The following RPS6KA3 variants were observed in gnomAD, a reference collection of about 807,000 sequenced individuals.
The protein encoded by RPS6KA3 is ribosomal protein S6 kinase A3.
In RPS6KA3, 4 loss-of-function variants were observed where a neutral mutation model predicts 67.2. The ratio of observed to expected loss-of-function variants is 0.06; its 90% confidence interval spans 0.03 to 0.14. The LOEUF (loss-of-function observed/expected upper bound fraction) is 0.14, where lower values mean the gene tolerates loss of function less well. Among genes scored for constraint, RPS6KA3 ranks in the 10% least tolerant of loss-of-function variants. RPS6KA3 has a pLI of 1.00. For synonymous variants in RPS6KA3, 182 were observed against 183.7 expected (o/e 0.99, Z 0.07); for missense variants, 204 against 559.0 (o/e 0.36, Z 6.40).
At chrX:20,188,600 T>C (rs2068045509) in intron 7 of RPS6KA3, 66 bp from the exon 8 acceptor site, 1 of 574,465 alleles carries the variant, frequency 1.7e-6, no homozygotes, top group Admixed American at 2.7e-5. Flanking sequence ...AAGACTGAAA[T>C]TACATCCTTA....
intron 10 of RPS6KA3, among the ~76,000 whole-genome samples, chrX:20,179,183 AG>A (rs1377657203): frequency 8.9e-6 from 1 of 112,154 alleles, no homozygotes; most frequent in Non-Finnish European, 1.9e-5. Context: ...GGCTTGGAAG[AG>A]GGTGCATGAA....
chrX:20,234,879 AGGC>A, intron 1 of RPS6KA3, 65 bp from the exon 2 acceptor site: 2 of 880,000 alleles, frequency 2.3e-6, no homozygotes, highest in Admixed American at 2.3e-5. Flanking sequence ...AGTTAAATGA[AGGC>A]AGACAAAAAA....
At chrX:20,261,680 C>T (rs1335179388) in intron 1 of RPS6KA3, among the ~76,000 whole-genome samples, 1 of 112,437 alleles carries the variant, frequency 8.9e-6, no homozygotes, top group Non-Finnish European at 1.9e-5. Flanking sequence ...GACACACACA[C>T]ATTTGCGTTT....
At chrX:20,243,137 G>C (rs1237303389) in intron 1 of RPS6KA3, among the ~76,000 whole-genome samples, 1 of 111,214 alleles carries the variant, frequency 9.0e-6, no homozygotes, top group Non-Finnish European at 1.9e-5. Flanking sequence ...AGTTAAAAAA[G>C]TCATTTTATT....
At chrX:20,178,180 G>A (rs761294471) in intron 10 of RPS6KA3, among the ~76,000 whole-genome samples, 1 of 111,896 alleles carries the variant, frequency 8.9e-6, no homozygotes, top group African/African-American at 3.2e-5. Context: ...AGTACATTAA[G>A]AGACAAATGC....
At chrX:20,221,769 G>T (rs185471110) in intron 2 of RPS6KA3, among the ~76,000 whole-genome samples, 199 of 112,594 alleles carry the variant, frequency 1.8e-3, no homozygotes, top group South Asian at 8.3e-3. Context: ...TTGGGTCTTT[G>T]CTCTACACGA....
intron 3 of RPS6KA3, among the ~76,000 whole-genome samples, chrX:20,205,345 T>A (rs1046024095): frequency 8.9e-6 from 1 of 112,566 alleles, no homozygotes; most frequent in Non-Finnish European, 1.9e-5. Context: ...GCAACCACAA[T>A]CAAGAATTAA....
At position 20,228,212 on chromosome X, in the gene RPS6KA3, T is replaced by C. The variant is rs181805339; in HGVS notation, c.126+6546A>G. On this transcript the variant is annotated intron_variant, in intron 2 of 21. Transcript: ENST00000379565. ...ATCTCATTCTTTTATACTGGAAGAC[T>C]TCCTCAAATAACTGGTGATATTTGG... 1.2e-4 allele frequency among the ~76,000 whole-genome samples: 13 copies of C among 112,248 alleles called. 1 individual carries two copies. The East Asian group carries it at 3.6e-3, about 31-fold the overall frequency.
chrX:20,165,923 T>C (rs935820740), intron 17 of RPS6KA3, among the ~76,000 whole-genome samples: 2 of 111,523 alleles, frequency 1.8e-5, no homozygotes, highest in Admixed American at 9.6e-5. Context: ...AATACCGAAG[T>C]CTCTCTATAT....
intron 5 of RPS6KA3, 34 bp from the exon 6 acceptor site, chrX:20,194,302 AC>A: frequency 1.1e-6 from 1 of 951,374 alleles, no homozygotes; most frequent in Non-Finnish European, 1.5e-6. Context: ...CATTTAGTCC[AC>A]CATAATTTTT....
chrX:20,205,419 T>C (rs2068550513), intron 3 of RPS6KA3, among the ~76,000 whole-genome samples: 1 of 112,674 alleles, frequency 8.9e-6, no homozygotes, highest in Non-Finnish European at 1.9e-5. Flanking sequence ...AATTAAAAAA[T>C]GATTCATTCA....
At chrX:20,176,200 A>G in intron 13 of RPS6KA3, 50 bp downstream of exon 13, 2 of 854,162 alleles carry the variant, frequency 2.3e-6, no homozygotes, top group Non-Finnish European at 3.5e-6. Flanking sequence ...TGAAACAAGA[A>G]AAAAACATAT....
intron 4 of RPS6KA3, among the ~76,000 whole-genome samples, chrX:20,199,438 C>T (rs778405649): frequency 1.1e-4 from 12 of 110,506 alleles, no homozygotes; most frequent in East Asian, 2.8e-4. Flanking sequence ...AAATGAAAAG[C>T]GATGGCAGAA....
chrX:20,150,040 C>T lies in RPS6KA3; in HGVS notation c.*5358G>A, dbSNP rs1164287804. ...GGATACATCTGAAGAGCTTAGATTA[C>T]ACATTAATAGTATGATTTGAAAACT... On this transcript the variant is annotated 3_prime_UTR_variant, in exon 22 of 22. Coordinates refer to ENST00000379565, the MANE Select transcript of RPS6KA3 (RefSeq NM_004586.3). 3 of 113,185 alleles carry T rather than the reference C, an allele frequency of 2.7e-5. No individual in the cohort carries two copies. The highest frequency in any genetic ancestry group is 9.6e-5 in the African/African-American group (3 of 31,182). 9.3% of individuals were successfully genotyped at this position (113,185 alleles called of 1,213,427 possible). A position where few individuals can be genotyped will look rare whatever the true frequency, so the allele number is the denominator to read the frequency against.
intron 20 of RPS6KA3, among the ~76,000 whole-genome samples, chrX:20,159,771 CA>C (rs1414977730): frequency 1.8e-5 from 2 of 112,170 alleles, no homozygotes; most frequent in African/African-American, 6.5e-5. Flanking sequence ...CCTATCATGA[CA>C]AAGTTTGTGG....
intron 2 of RPS6KA3, among the ~76,000 whole-genome samples, chrX:20,229,204 G>A (rs753515616): frequency 1.5e-4 from 17 of 109,755 alleles, no homozygotes; most frequent in African/African-American, 5.5e-4. Flanking sequence ...GGTCATTAAG[G>A]GACCCAGATT....
rs59413898 is a variant in RPS6KA3 at position 20,233,276 on chromosome X, G to A, written c.126+1482C>T. 2.3e-4 allele frequency among the ~76,000 whole-genome samples: 26 copies of A among 111,895 alleles called. 1 individual carries two copies. In the East Asian group the frequency reaches 6.1e-3, roughly 26 times the overall value. On this transcript the variant is annotated intron_variant, in intron 2 of 21. Transcript: ENST00000379565. ...TTCTCATATACTGAAATTTTGACAG[G>A]AAATTTGACAAATGTCTATTGATTT... is the stretch of plus-strand genomic sequence containing the variant.
chrX:20,232,521 G>C (rs1251722278), intron 2 of RPS6KA3, among the ~76,000 whole-genome samples: 1 of 111,366 alleles, frequency 9.0e-6, no homozygotes, highest in South Asian at 3.8e-4. Context: ...GCAGTGAGCC[G>C]AGGTAGTGCC....
chrX:20,186,430 T>C (rs1330992270), intron 9 of RPS6KA3, 64 bp from the exon 10 acceptor site: 2 of 557,939 alleles, frequency 3.6e-6, no homozygotes, highest in African/African-American at 2.7e-5. Flanking sequence ...GGCCAGAAGG[T>C]AAAAAAAAAA....
Sources: allele counts gnomAD v4.1 joint callset (sites outside exome capture counted in the v4.1 genomes callset), GRCh38; gene constraint gnomAD v4.1.1; transcripts MANE v1.5; gene names NCBI Gene and HGNC (gene_info 2026-07-23, HGNC 2026-07-21).